Variants in FBXO8 observed in about 807,000 individuals in gnomAD.
FBXO8 encodes the protein F-box only protein 8.
FBXO8 carries 15 observed loss-of-function variants against 33.4 expected under a neutral mutation model. That is an observed-to-expected ratio of 0.45 (90% CI 0.30 to 0.69). The LOEUF (loss-of-function observed/expected upper bound fraction) is 0.69, where lower values mean the gene tolerates loss of function less well. Among genes scored for constraint, FBXO8 ranks in the 30% least tolerant of loss-of-function variants. The probability of loss-of-function intolerance (pLI) is 0.08; values close to 1 mark genes in which losing one functional copy is unlikely to be tolerated. For missense variants in FBXO8, 274 were observed against 380.3 expected (o/e 0.72, Z 2.32); for synonymous variants, 132 against 131.5 (o/e 1.00, Z -0.02).
chr4:174,237,143 C>T lies in FBXO8; in HGVS notation c.*269G>A, dbSNP rs1469151933. ...TACACCATCTTTTAGAGTATAATGT[C>T]AGTTTATCATTCGTTAACAGCTGTG... On this transcript the variant is annotated 3_prime_UTR_variant, in exon 6 of 6. Coordinates refer to ENST00000393674, the MANE Select transcript of FBXO8 (RefSeq NM_012180.3). This position sits in a 1 kb window ranked among gnomAD's most constrained non-coding sequence, Gnocchi z 4.4. 9.3e-6 allele frequency: 3 copies of T among 322,188 alleles called. No homozygotes were observed. The East Asian group carries it at 1.4e-4, about 15-fold the overall frequency. The allele number at this position is 322,188 out of a possible 1,614,324, so 20.0% of individuals were successfully genotyped here. A position where few individuals can be genotyped will look rare whatever the true frequency, so the allele number is the denominator to read the frequency against.
At chr4:174,250,848 C>T (rs1245118650) in intron 3 of FBXO8, among the ~76,000 whole-genome samples, 1 of 152,102 alleles carries the variant, frequency 6.6e-6, no homozygotes, top group East Asian at 1.9e-4. Flanking sequence ...TCATGAAAGA[C>T]ATGTAGAGGC....
rs776698674 is a variant in FBXO8, at chr4:174,239,039, A to C, written c.727T>G (p.Cys243Gly). The stretch of plus-strand genomic sequence containing the variant: ...CGCATTAAATCAGGGTTGCAAGCAC[A>C]GAATCTATGTGAGAACTTTGTTATA... ...TLITKFSHRF[C>G]ACNPDLMREL... The change falls in exon 5 of 6, where the codon TGT becomes GGT. Residue 243 changes from cysteine to glycine, a missense_variant. Around this residue, in one of 2 missense-constraint regions of FBXO8, gnomAD observed 186 missense variants for 293.4 expected, o/e 0.63. Transcript: ENST00000393674. 1 of 1,597,242 alleles carries C rather than the reference A, an allele frequency of 6.3e-7. No individual in the cohort carries two copies. The highest frequency in any genetic ancestry group is 8.5e-7 in the Non-Finnish European group (1 of 1,170,696).
intron 3 of FBXO8, among the ~76,000 whole-genome samples, chr4:174,242,912 A>G (rs1331668597): frequency 6.6e-6 from 1 of 151,638 alleles, no homozygotes; most frequent in African/African-American, 2.4e-5. Flanking sequence ...AATGATTTAA[A>G]AACAATGTCA....
In FBXO8 at chr4:174,237,005, AC is replaced by A. The variant is rs1427449636; in HGVS notation, c.*406del. ...AGGAAAAACTTTAGTTAAAATCTTT[AC>A]AATAAAATAATTATGACTATAAATC... is the stretch of plus-strand genomic sequence containing the variant. On this transcript the variant is annotated 3_prime_UTR_variant, in exon 6 of 6. Transcript: ENST00000393674. The surrounding 1 kb of genome is among the most constrained non-coding windows in gnomAD (Gnocchi z 4.4). 2.0e-5 allele frequency: 3 copies of A among 153,452 alleles called. No homozygotes were observed. The highest frequency in any genetic ancestry group is 4.4e-5 in the Non-Finnish European group (3 of 68,704). The allele number at this position is 153,452 out of a possible 1,614,324, so 9.5% of individuals were successfully genotyped here. A position where few individuals can be genotyped will look rare whatever the true frequency, so the allele number is the denominator to read the frequency against.
At chr4:174,264,818 G>A (rs1437714317) in intron 1 of FBXO8, among the ~76,000 whole-genome samples, 1 of 149,718 alleles carries the variant, frequency 6.7e-6, no homozygotes, top group African/African-American at 2.4e-5. Context: ...ACAGAATATC[G>A]GGAAAATAAA....
At chr4:174,271,749 A>G (rs767351836) in intron 1 of FBXO8, among the ~76,000 whole-genome samples, 25 of 152,328 alleles carry the variant, frequency 1.6e-4, no homozygotes, top group Non-Finnish European at 2.8e-4. Context: ...TATTGCCTCA[A>G]AGATCCAATG....
intron 1 of FBXO8, among the ~76,000 whole-genome samples, chr4:174,280,820 G>T (rs539262785): frequency 6.6e-6 from 1 of 152,086 alleles, no homozygotes. Flanking sequence ...AAACACTTCC[G>T]GTTTCCAAAA....
chr4:174,269,880 C>T (rs542881542), intron 1 of FBXO8, among the ~76,000 whole-genome samples: 84 of 152,236 alleles, frequency 5.5e-4, no homozygotes, highest in African/African-American at 1.8e-3. Flanking sequence ...ATTTCTACTC[C>T]CTGAAATTAT....
chr4:174,242,644 ACAAGGG>A (rs1309511100), intron 3 of FBXO8, among the ~76,000 whole-genome samples: 1 of 151,644 alleles, frequency 6.6e-6, no homozygotes, highest in Non-Finnish European at 1.5e-5. Flanking sequence ...AATCCTGAAT[ACAAGGG>A]CTAGAAAATG....
rs998061040 is a variant in FBXO8 at position 174,275,976 on chromosome 4, A to G, written c.-9+7434T>C. ...GTCTAATAAAAAAGACAATGTACAT[A>G]TAAAATACATTAATTAGAAAATTGG... On this transcript the variant is annotated intron_variant, in intron 1 of 5. Coordinates refer to ENST00000393674, the MANE Select transcript of FBXO8 (RefSeq NM_012180.3). This position sits in a 1 kb window ranked among gnomAD's most constrained non-coding sequence, Gnocchi z 4.4. Among the ~76,000 whole-genome samples the G allele has an allele frequency of 3.9e-5, 6 of 152,218 alleles. No individual in the cohort carries two copies. The highest frequency in any genetic ancestry group is 7.4e-5 in the Non-Finnish European group (5 of 68,026).
chr4:174,239,235 T>C (rs1735971763), intron 4 of FBXO8, 45 bp from the exon 5 acceptor site: 2 of 1,335,032 alleles, frequency 1.5e-6, no homozygotes, highest in Non-Finnish European at 2.0e-6. Context: ...CTTTTCTTCA[T>C]TAAAAAAATG....
In FBXO8 at chr4:174,265,632, A is replaced by T. The variant is rs569101451; in HGVS notation, c.-8-2532T>A. On this transcript the variant is annotated intron_variant, in intron 1 of 5. Coordinates refer to ENST00000393674, the MANE Select transcript of FBXO8 (RefSeq NM_012180.3). The surrounding 1 kb of genome is among the most constrained non-coding windows in gnomAD (Gnocchi z 4.7). ...AAAAAGTTCTTTACTGTATGATTCT[A>T]ATTATAAGACATTCTGGAAAAGGCA... is the stretch of plus-strand genomic sequence containing the variant. Among the ~76,000 whole-genome samples, 210 of 152,290 alleles carry T rather than the reference A, an allele frequency of 1.4e-3. No homozygotes were observed. Among genetic ancestry groups the T allele is most frequent in the African/African-American group, 4.6e-3 (191 of 41,580 alleles).
In FBXO8 at chr4:174,270,311, G is replaced by A. The variant is rs962244217; in HGVS notation, c.-8-7211C>T. Among the ~76,000 whole-genome samples, 35 of 152,258 alleles carry A rather than the reference G, an allele frequency of 2.3e-4. No homozygotes were observed. Among genetic ancestry groups the A allele is most frequent in the African/African-American group, 8.2e-4 (34 of 41,532 alleles). ...CACAGTAGCTGGGAAGACGTAAATG[G>A]AAAGTAACATGATTTTAGGAAGAGT... On this transcript the variant is annotated intron_variant, in intron 1 of 5. Coordinates refer to ENST00000393674, the MANE Select transcript of FBXO8 (RefSeq NM_012180.3). The surrounding 1 kb of genome is among the most constrained non-coding windows in gnomAD (Gnocchi z 4.6).
chr4:174,259,642 C>T lies in FBXO8; in HGVS notation c.456+57G>A. Reference sequence around the variant, plus strand: ...CCTGCTAGTTTATGATATTGGAAAGCTGCAGCAAGATAGTAATAAAGGTCA... The same window carrying T: ...CCTGCTAGTTTATGATATTGGAAAGTTGCAGCAAGATAGTAATAAAGGTCA... On this transcript the variant is annotated intron_variant, in intron 3 of 5. Coordinates refer to ENST00000393674, the MANE Select transcript of FBXO8 (RefSeq NM_012180.3). The surrounding 1 kb of genome is among the most constrained non-coding windows in gnomAD (Gnocchi z 4.3). 1 of 1,566,046 alleles carries T rather than the reference C, an allele frequency of 6.4e-7. No homozygotes were observed. Among genetic ancestry groups the T allele is most frequent in the East Asian group, 2.3e-5 (1 of 42,638 alleles).
chr4:174,239,202 A>C lies in FBXO8; in HGVS notation c.576-12T>G, dbSNP rs1331069019. 4.7e-6 allele frequency: 7 copies of C among 1,492,574 alleles called. No individual in the cohort carries two copies. Among genetic ancestry groups the C allele is most frequent in the Non-Finnish European group, 5.4e-6 (6 of 1,116,290 alleles). 92.5% of individuals were successfully genotyped at this position (1,492,574 alleles called of 1,614,324 possible). The stretch of plus-strand genomic sequence containing the variant: ...CCAAGACATCTCTCCTACAGAAAGA[A>C]AAAAAGGCACAGCTTTGGTTAACTT... On this transcript the variant is annotated splice_polypyrimidine_tract_variant and intron_variant, in intron 4 of 5. Coordinates refer to ENST00000393674, the MANE Select transcript of FBXO8 (RefSeq NM_012180.3).
rs570686916 is a variant in FBXO8, at chr4:174,256,677, T to C, written c.456+3022A>G. 6.6e-6 allele frequency among the ~76,000 whole-genome samples: 1 copy of C among 152,304 alleles called. No homozygotes were observed. The highest frequency in any genetic ancestry group is 2.4e-5 in the African/African-American group (1 of 41,566). On this transcript the variant is annotated intron_variant, in intron 3 of 5. Transcript: ENST00000393674. This position sits in a 1 kb window ranked among gnomAD's most constrained non-coding sequence, Gnocchi z 4.6. ...TGACCTTATTAAGTGTATTGCAATG[T>C]CCTTTTTTTCCTATATATTTCCTAA...
Position 174,278,480 on chromosome 4 carries a change from A to G in FBXO8, c.-9+4930T>C, listed in dbSNP as rs542967759. Among the ~76,000 whole-genome samples the G allele has an allele frequency of 1.3e-5, 2 of 152,246 alleles. No homozygotes were observed. Among genetic ancestry groups the G allele is most frequent in the Admixed American group, 1.3e-4 (2 of 15,304 alleles). ...ATTTAAATGCAACCAAAAATCTAAG[A>G]ATTTTAGGCTTATTCAATTTCTGTG... On this transcript the variant is annotated intron_variant, in intron 1 of 5. Transcript: ENST00000393674. The surrounding 1 kb of genome is among the most constrained non-coding windows in gnomAD (Gnocchi z 4.1).
At chr4:174,280,713 T>G (rs1012826459) in intron 1 of FBXO8, among the ~76,000 whole-genome samples, 1 of 152,178 alleles carries the variant, frequency 6.6e-6, no homozygotes, top group Non-Finnish European at 1.5e-5. Flanking sequence ...GAGGACATTA[T>G]GCCAAGTTAA....
At position 174,275,140 on chromosome 4, in the gene FBXO8, T is replaced by C. The variant is rs147295884; in HGVS notation, c.-9+8270A>G. On this transcript the variant is annotated intron_variant, in intron 1 of 5. Transcript: ENST00000393674. This position sits in a 1 kb window ranked among gnomAD's most constrained non-coding sequence, Gnocchi z 4.4. ...CCAATATAAAAATGGGCAAAAGATA[T>C]AAACACACGTTTCATGAAAGAGGAT... is the stretch of plus-strand genomic sequence containing the variant. Among the ~76,000 whole-genome samples, 175 of 152,204 alleles carry C rather than the reference T, an allele frequency of 1.1e-3. No homozygotes were observed. The highest frequency in any genetic ancestry group is 3.9e-3 in the African/African-American group (162 of 41,534).
Sources: allele counts gnomAD v4.1 joint callset (sites outside exome capture counted in the v4.1 genomes callset), GRCh38; gene constraint gnomAD v4.1.1; regional missense constraint gnomAD v4.1.1; non-coding constraint Gnocchi (gnomAD v3.1); transcripts MANE v1.5; gene names NCBI Gene and HGNC (gene_info 2026-07-23, HGNC 2026-07-21).